FBXL18: variants seen among roughly 807,000 people sequenced by gnomAD.
FBXL18 encodes the protein F-box/LRR-repeat protein 18.
In FBXL18, 36 loss-of-function variants were observed where a neutral mutation model predicts 46.0. The observed-to-expected ratio is 0.78, with a 90% CI of 0.60 to 1.03. The LOEUF is 1.03. Among genes scored for constraint, FBXL18 ranks in the 50% least tolerant of loss-of-function variants. FBXL18 has a pLI of 0.00. For synonymous variants in FBXL18, 557 were observed against 465.3 expected, an observed-to-expected ratio of 1.20 and a Z score of -2.54; for missense variants, 977 against 1,004.1, an observed-to-expected ratio of 0.97 and a Z score of 0.36.
At chr7:5,462,774 A>T (rs1256328922) in intron 4 of FBXL18, among the ~76,000 whole-genome samples, 3 of 150,554 alleles carry the variant, frequency 2.0e-5, no homozygotes, top group African/African-American at 7.3e-5. Flanking sequence ...ACATGGTGAA[A>T]CCCTATCTCT....
intron 3 of FBXL18, among the ~76,000 whole-genome samples, chr7:5,492,827 CACCATCCTCAGAAGGAATGA>C: frequency 6.6e-6 from 1 of 152,132 alleles, no homozygotes; most frequent in South Asian, 2.1e-4. Context: ...AGTTCCTCCT[CACCATCCTCAGAAGGAATGA>C]ACCATCCCTG....
At chr7:5,492,119 C>T (rs1202501736) in intron 3 of FBXL18, among the ~76,000 whole-genome samples, 4 of 150,524 alleles carry the variant, frequency 2.7e-5, no homozygotes, top group South Asian at 2.1e-4. Context: ...GGCCCAAGTC[C>T]GCACCAAGGC....
At chr7:5,505,728 T>C (rs1784379074) in intron 1 of FBXL18, 98 bp from the exon 2 acceptor site, 1 of 958,638 alleles carries the variant, frequency 1.0e-6, no homozygotes, top group African/African-American at 1.6e-5. Flanking sequence ...CCCTTATCCA[T>C]GGGAAAGAAG....
At chr7:5,468,063 A>G (rs1288350198) in intron 4 of FBXL18, among the ~76,000 whole-genome samples, 1 of 151,574 alleles carries the variant, frequency 6.6e-6, no homozygotes, top group Non-Finnish European at 1.5e-5. Flanking sequence ...GCTCACTGCA[A>G]GCTCTGCCTC....
At position 5,458,388 on chromosome 7, in the gene FBXL18, A is replaced by G. The variant is rs368014740; in HGVS notation, c.2001-10545T>C. 6.6e-5 allele frequency among the ~76,000 whole-genome samples: 10 copies of G among 152,214 alleles called. No homozygotes were observed. The East Asian group carries it at 1.5e-3, about 23-fold the overall frequency. ...GAGACCAACCTGGCCAACATGGTGA[A>G]ACCCCGTCTCTACTAAAAATACAAA... On this transcript the variant is annotated intron_variant and NMD_transcript_variant, in intron 4 of 6. Coordinates refer to the FBXL18 transcript ENST00000415009.
At chr7:5,463,103 C>G (rs2128231104) in intron 4 of FBXL18, among the ~76,000 whole-genome samples, 1 of 149,016 alleles carries the variant, frequency 6.7e-6, no homozygotes, top group Non-Finnish European at 1.5e-5. Flanking sequence ...TGAGATACTA[C>G]CACCTCACAT....
chr7:5,512,299 A>C (rs1399621604), intron 1 of FBXL18, among the ~76,000 whole-genome samples: 41 of 89,022 alleles, frequency 4.6e-4, no homozygotes, highest in African/African-American at 1.3e-3. Context: ...GTGTTATTTA[A>C]AAAAAAAAAA....
chr7:5,500,853 G>A lies in FBXL18; in HGVS notation c.1416C>T (p.Ser472=), dbSNP rs765502393. 58 of 1,607,398 alleles carry A rather than the reference G, an allele frequency of 3.6e-5. No individual in the cohort carries two copies. In the East Asian group the frequency reaches 1.3e-3, roughly 35 times the overall value. ...TCTTCAGCAGAGACCAGAACACGGA[G>A]GAGGGCTGGGGGCACGCCTGGCCCG... ...PFSGQACPQP[S]SVFWSLLKNL... is the part of the protein sequence containing the mutation. Residue 472 remains serine, a synonymous_variant, in exon 3 of 5, where the codon TCC becomes TCT. Coordinates refer to ENST00000382368, the MANE Select transcript of FBXL18 (RefSeq NM_024963.6).
intron 4 of FBXL18, among the ~76,000 whole-genome samples, chr7:5,486,270 T>A (rs13236964): frequency 0.088 from 4,831 of 54,648 alleles, 162 homozygotes; most frequent in South Asian, 0.14. Context: ...AAAAAAAAAA[T>A]GAGCTGGTTG....
chr7:5,510,028 G>A (rs561365621), intron 1 of FBXL18, among the ~76,000 whole-genome samples: 9 of 152,094 alleles, frequency 5.9e-5, no homozygotes, highest in Admixed American at 3.9e-4. Flanking sequence ...CAGGAAGGGC[G>A]CGGTAGCTCA....
chr7:5,468,131 C>T (rs71531317), intron 4 of FBXL18, among the ~76,000 whole-genome samples: 6,367 of 152,114 alleles, frequency 0.042, 158 homozygotes, highest in African/African-American at 0.079. Flanking sequence ...TACAGGCGCC[C>T]GCCACCACAC....
chr7:5,489,131 AC>A, intron 4 of FBXL18: 1 of 396,186 alleles, frequency 2.5e-6, no homozygotes, highest in Non-Finnish European at 5.0e-6. Context: ...ACCGCCATGA[AC>A]CAGGGCGGAC....
intron 3 of FBXL18, among the ~76,000 whole-genome samples, chr7:5,495,132 G>A (rs1481984442): frequency 6.6e-6 from 1 of 152,260 alleles, no homozygotes; most frequent in Admixed American, 6.5e-5. Flanking sequence ...CTCCCACTGC[G>A]CCGGGCCTCA....
At chr7:5,469,836 G>A (rs1584188793) in intron 4 of FBXL18, among the ~76,000 whole-genome samples, 1 of 151,722 alleles carries the variant, frequency 6.6e-6, no homozygotes, top group Admixed American at 6.6e-5. Context: ...GTGTGATATG[G>A]GTGTGACACG....
intron 3 of FBXL18, among the ~76,000 whole-genome samples, chr7:5,494,813 G>A (rs1341020936): frequency 6.6e-6 from 1 of 152,222 alleles, no homozygotes; most frequent in Non-Finnish European, 1.5e-5. Flanking sequence ...GCGGCTCCGT[G>A]CTACCCGCCC....
At chr7:5,509,839 T>C (rs1016460802) in intron 1 of FBXL18, among the ~76,000 whole-genome samples, 7 of 151,562 alleles carry the variant, frequency 4.6e-5, no homozygotes, top group Non-Finnish European at 5.9e-5. Context: ...AGGAAGCAGC[T>C]CGAATGGGCC....
At chr7:5,489,638 G>T (rs1276696527) in intron 4 of FBXL18, 1 of 219,494 alleles carries the variant, frequency 4.6e-6, no homozygotes, top group South Asian at 5.8e-5. Flanking sequence ...AATTAGCCAG[G>T]TGTGGTGGCG....
rs1252305447 is a variant in FBXL18, at chr7:5,496,180, C to G, written c.1781+4308G>C. Among the ~76,000 whole-genome samples the G allele has an allele frequency of 6.6e-6, 1 of 152,150 alleles. No individual in the cohort carries two copies. Among genetic ancestry groups the G allele is most frequent in the Non-Finnish European group, 1.5e-5 (1 of 68,032 alleles). On this transcript the variant is annotated intron_variant, in intron 3 of 4. Transcript: ENST00000382368. The surrounding 1 kb of genome is among the most constrained non-coding windows in gnomAD (Gnocchi z 4.8). ...ACTCTCTGGGCCTTACTTTCTTCATCCATTAAGTGGGTACAACTGTGTCGA... is the reference window on the plus strand; with the variant it reads ...ACTCTCTGGGCCTTACTTTCTTCATGCATTAAGTGGGTACAACTGTGTCGA...
At chr7:5,505,022 C>A (rs1276427899) in intron 2 of FBXL18, among the ~76,000 whole-genome samples, 1 of 150,762 alleles carries the variant, frequency 6.6e-6, no homozygotes, top group Non-Finnish European at 1.5e-5. Flanking sequence ...AACTCCTGCA[C>A]CCTGCTGGGG....
Sources: allele counts gnomAD v4.1 joint callset (sites outside exome capture counted in the v4.1 genomes callset), GRCh38; gene constraint gnomAD v4.1.1; non-coding constraint Gnocchi (gnomAD v3.1); transcripts MANE v1.5; gene names NCBI Gene and HGNC (gene_info 2026-07-23, HGNC 2026-07-21).